The following CHD6 variants were observed in gnomAD, a reference collection of about 807,000 sequenced individuals.
The protein encoded by CHD6 is ATP-dependent chromatin remodeler CHD6.
In CHD6, 50 loss-of-function variants were observed where a neutral mutation model predicts 276.9. That is an observed-to-expected ratio of 0.18 (90% CI 0.14 to 0.23). The LOEUF (loss-of-function observed/expected upper bound fraction) is 0.23, where lower values mean the gene tolerates loss of function less well. Ranked by LOEUF, CHD6 falls within the 10% of genes least tolerant of loss-of-function variation. The pLI is 1.00. For missense variants in CHD6, 2,564 were observed against 3,365.8 expected (o/e 0.76, Z 5.89); for synonymous variants, 1,173 against 1,229.3 (o/e 0.95, Z 0.96).
At position 41,473,234 on chromosome 20, in the gene CHD6, A is replaced by G; in HGVS notation, c.2664+88T>C. 1.6e-6 allele frequency: 2 copies of G among 1,255,004 alleles called. No individual in the cohort carries two copies. The highest frequency in any genetic ancestry group is 2.3e-6 in the Non-Finnish European group (2 of 884,968). 77.7% of individuals were successfully genotyped at this position (1,255,004 alleles called of 1,614,324 possible). A position where few individuals can be genotyped will look rare whatever the true frequency, so the allele number is the denominator to read the frequency against. On this transcript the variant is annotated intron_variant, in intron 17 of 36. Transcript: ENST00000373233. This position sits in a 1 kb window ranked among gnomAD's most constrained non-coding sequence, Gnocchi z 4.1. Reference sequence around the variant, plus strand: ...AGCTGACACCATAGCATAGAGCATCACGGATGCTCTGTAGCCAAGCCAGGC... The same window carrying G: ...AGCTGACACCATAGCATAGAGCATCGCGGATGCTCTGTAGCCAAGCCAGGC...
At chr20:41,567,100 G>GTCA (rs2146199561) in intron 1 of CHD6, among the ~76,000 whole-genome samples, 1 of 152,256 alleles carries the variant, frequency 6.6e-6, no homozygotes, top group Non-Finnish European at 1.5e-5. Context: ...GTTGGATGTT[G>GTCA]TCATCTCTTC....
chr20:41,406,689 C>T (rs904163311), intron 36 of CHD6, among the ~76,000 whole-genome samples: 6 of 152,190 alleles, frequency 3.9e-5, no homozygotes, highest in Non-Finnish European at 5.9e-5. Context: ...AGATGGGAAG[C>T]GATTTCTTTC....
Position 41,452,596 on chromosome 20 carries a change from C to T in CHD6, c.3323+144G>A. 1 of 707,742 alleles carries T rather than the reference C, an allele frequency of 1.4e-6. No individual in the cohort carries two copies. Among genetic ancestry groups the T allele is most frequent in the Non-Finnish European group, 2.3e-6 (1 of 426,162 alleles). 43.8% of individuals were successfully genotyped at this position (707,742 alleles called of 1,614,324 possible). A position where few individuals can be genotyped will look rare whatever the true frequency, so the allele number is the denominator to read the frequency against. ...TGAGACGGATTCTGGGCAGAAGGCACAGTTCTCTCTTGCTCCAACAGATCC... is the reference window on the plus strand; with the variant it reads ...TGAGACGGATTCTGGGCAGAAGGCATAGTTCTCTCTTGCTCCAACAGATCC... On this transcript the variant is annotated intron_variant, in intron 21 of 36. Coordinates refer to ENST00000373233, the MANE Select transcript of CHD6 (RefSeq NM_032221.5). The surrounding 1 kb of genome is among the most constrained non-coding windows in gnomAD (Gnocchi z 4.2).
In CHD6 at chr20:41,452,974, T is replaced by C; in HGVS notation, c.3121-32A>G. 1 of 1,533,202 alleles carries C rather than the reference T, an allele frequency of 6.5e-7. No homozygotes were observed. The highest frequency in any genetic ancestry group is 1.1e-5 in the South Asian group (1 of 89,332). 95.0% of individuals were successfully genotyped at this position (1,533,202 alleles called of 1,614,324 possible). On this transcript the variant is annotated intron_variant, in intron 20 of 36. Coordinates refer to ENST00000373233, the MANE Select transcript of CHD6 (RefSeq NM_032221.5). The surrounding 1 kb of genome is among the most constrained non-coding windows in gnomAD (Gnocchi z 4.2). Reference sequence around the variant, plus strand: ...ATGGAGAGGACTACTGGGAAGAAAGTCCTCTTTTCTCTACTCCTTTCACAA... The same window carrying C: ...ATGGAGAGGACTACTGGGAAGAAAGCCCTCTTTTCTCTACTCCTTTCACAA...
chr20:41,547,598 A>G lies in CHD6; in HGVS notation c.33+3707T>C, dbSNP rs186852183. 887 of 555,504 alleles carry G rather than the reference A, an allele frequency of 1.6e-3. 5 individuals carry two copies. Among genetic ancestry groups the G allele is most frequent in the Middle Eastern group, 4.1e-3 (7 of 1,696 alleles). The allele number at this position is 555,504 out of a possible 1,614,324, so 34.4% of individuals were successfully genotyped here. A position where few individuals can be genotyped will look rare whatever the true frequency, so the allele number is the denominator to read the frequency against. On this transcript the variant is annotated intron_variant, in intron 2 of 36. Transcript: ENST00000373233. ...GTGACTGGAAGGGTCTAAGGATTAC[A>G]GTGAAACTGACGATTCAGAACAGAC...
chr20:41,512,804 G>T, intron 5 of CHD6, 42 bp downstream of exon 5: 2 of 1,608,850 alleles, frequency 1.2e-6, no homozygotes, highest in South Asian at 1.1e-5. Flanking sequence ...AGGTCAAAAT[G>T]ACTGTCCAGC....
At chr20:41,514,004 T>C (rs1174227803) in intron 4 of CHD6, among the ~76,000 whole-genome samples, 6 of 152,212 alleles carry the variant, frequency 3.9e-5, no homozygotes, top group Admixed American at 6.5e-5. Context: ...TCTGCCAATC[T>C]AGACACTTAA....
rs1458814763 is a variant in CHD6 at position 41,491,755 on chromosome 20, T to C, written c.1379A>G (p.Gln460Arg). 4.3e-6 allele frequency: 7 copies of C among 1,613,774 alleles called. No homozygotes were observed. The highest frequency in any genetic ancestry group is 1.3e-5 in the African/African-American group (1 of 74,902). The change falls in exon 11 of 37, where the codon CAG (glutamine) becomes CGG (arginine). Residue 460 changes from glutamine to arginine, a missense_variant. By Grantham distance (43) the Gln-to-Arg change is conservative. Transcript: ENST00000373233. ...CCCTTCCAGCTGGTACTCCCGGAGC[T>C]GGTTACTGTTCTTATACTCGCGAGA... ...EKSREYKNSN[Q>R]LREYQLEGMN...
rs561850024 is a variant in CHD6, at chr20:41,452,438, T to C, written c.3323+302A>G. Among the ~76,000 whole-genome samples, 1 of 152,322 alleles carries C rather than the reference T, an allele frequency of 6.6e-6. No individual in the cohort carries two copies. The highest frequency in any genetic ancestry group is 2.1e-4 in the South Asian group (1 of 4,830). On this transcript the variant is annotated intron_variant, in intron 21 of 36. Coordinates refer to ENST00000373233, the MANE Select transcript of CHD6 (RefSeq NM_032221.5). The surrounding 1 kb of genome is among the most constrained non-coding windows in gnomAD (Gnocchi z 4.2). ...CGATAACATGTGTTGTGTGGACTCC[T>C]TGTATATCCTTGCGGGGTGGGAGGA... is the stretch of plus-strand genomic sequence containing the variant.
chr20:41,524,964 T>C (rs1011473350), intron 3 of CHD6, among the ~76,000 whole-genome samples: 1 of 152,252 alleles, frequency 6.6e-6, no homozygotes, highest in Admixed American at 6.5e-5. Context: ...TTCCTTTTCC[T>C]GCTTTATGCT....
chr20:41,548,922 G>T (rs1238134894), intron 2 of CHD6, among the ~76,000 whole-genome samples: 1 of 152,040 alleles, frequency 6.6e-6, no homozygotes, highest in African/African-American at 2.4e-5. Context: ...TCAGAGAAAT[G>T]CAAATCAAAA....
chr20:41,404,643 C>T lies in CHD6; in HGVS notation c.8098G>A (p.Ala2700Thr), dbSNP rs539457727. The part of the protein sequence containing the change: ...APLPAEREHG[A>T]QAGEGALKDS... The stretch of plus-strand genomic sequence containing the variant: ...TTGAGTGCCCCCTCCCCAGCCTGTG[C>T]CCCATGTTCTCTCTCTGCGGGCAAA... The change falls in exon 37 of 37, where the codon GCA (alanine) becomes ACA (threonine). Residue 2700 changes from alanine to threonine, a missense_variant. Physicochemically the swap from Ala to Thr is moderately conservative, Grantham distance 58. Transcript: ENST00000373233. The T allele has an allele frequency of 7.2e-6, 11 of 1,517,316 alleles. No homozygotes were observed. The highest frequency in any genetic ancestry group is 4.5e-5 in the East Asian group (2 of 43,958). 94.0% of individuals were successfully genotyped at this position (1,517,316 alleles called of 1,614,324 possible).
rs1223289332 is a variant in CHD6 at position 41,488,678 on chromosome 20, G to A, written c.1681-74C>T. On this transcript the variant is annotated intron_variant, in intron 12 of 36. Coordinates refer to ENST00000373233, the MANE Select transcript of CHD6 (RefSeq NM_032221.5). The stretch of plus-strand genomic sequence containing the variant: ...TTCTGCTAATATCTGCTGGACTACA[G>A]GAGGCAGCACTACAGATGCTGGGGC... 2.1e-5 allele frequency: 28 copies of A among 1,360,884 alleles called. No individual in the cohort carries two copies. In the South Asian group the frequency reaches 3.9e-4, roughly 19 times the overall value. The allele number at this position is 1,360,884 out of a possible 1,614,324, so 84.3% of individuals were successfully genotyped here.
At position 41,420,842 on chromosome 20, in the gene CHD6, G is replaced by C; in HGVS notation, c.5793C>G (p.Pro1931=). Residue 1931 remains proline (P), a synonymous_variant, in exon 31 of 37, where the codon CCC becomes CCG. Coordinates refer to ENST00000373233, the MANE Select transcript of CHD6 (RefSeq NM_032221.5). The part of the protein sequence containing the change: ...NQTPGLQRAF[P]APAACQCHCK... The stretch of plus-strand genomic sequence containing the variant: ...AGTGGCACTGACAGGCTGCTGGAGC[G>C]GGGAAAGCCCTCTGTAGCCCAGGAG... The C allele has an allele frequency of 6.2e-7, 1 of 1,614,166 alleles. No homozygotes were observed. The highest frequency in any genetic ancestry group is 8.5e-7 in the Non-Finnish European group (1 of 1,180,038).
At chr20:41,444,769 T>C (rs1413679782) in intron 25 of CHD6, among the ~76,000 whole-genome samples, 3 of 152,308 alleles carry the variant, frequency 2.0e-5, no homozygotes, top group Admixed American at 6.5e-5. Flanking sequence ...TAATATTTAA[T>C]CTTTAAACAA....
rs745432593 is a variant in CHD6 at position 41,421,694 on chromosome 20, T to C, written c.4941A>G (p.Gln1647=). 6 of 1,613,918 alleles carry C rather than the reference T, an allele frequency of 3.7e-6. No homozygotes were observed. The highest frequency in any genetic ancestry group is 2.2e-5 in the South Asian group (2 of 91,058). The change falls in exon 31 of 37, where the codon CAA becomes CAG. Residue 1647 remains glutamine, a synonymous_variant. Transcript: ENST00000373233. ...CAAGGGACTCTGAAGTCCTACTCAT[T>C]TGAGAATATGTAAGAGATTCATATA... ...SKLYESLTYS[Q]MSRTSESLEN...
At chr20:41,584,067 G>T (rs1470162205) in intron 1 of CHD6, among the ~76,000 whole-genome samples, 3 of 151,912 alleles carry the variant, frequency 2.0e-5, no homozygotes, top group Non-Finnish European at 4.4e-5. Context: ...CAGTTAAAAG[G>T]CTGAGATTAT....
chr20:41,510,908 T>C (rs1014827275), intron 5 of CHD6, among the ~76,000 whole-genome samples: 5 of 152,228 alleles, frequency 3.3e-5, no homozygotes, highest in African/African-American at 9.6e-5. Flanking sequence ...AAAAGTATTA[T>C]AGTGACAATA....
chr20:41,465,927 G>A (rs934914393), intron 17 of CHD6, among the ~76,000 whole-genome samples: 15 of 152,130 alleles, frequency 9.9e-5, no homozygotes, highest in Non-Finnish European at 1.6e-4. Context: ...TTTGTAGGCC[G>A]GGCGTGGTGG....
Sources: gnomAD v4.1 joint callset for allele counts (sites outside exome capture counted in the v4.1 genomes callset) on GRCh38, gnomAD v4.1.1 for gene constraint, Gnocchi (gnomAD v3.1) non-coding constraint, MANE v1.5 for transcripts, NCBI Gene and HGNC (gene_info 2026-07-23, HGNC 2026-07-21) for gene names.